The following MAP4 variants were observed in gnomAD, a reference collection of about 807,000 sequenced individuals.
MAP4 encodes microtubule associated protein 4.
A neutral mutation model predicts 170.2 loss-of-function variants in MAP4; 76 were observed. That is an observed-to-expected ratio of 0.45 (90% CI 0.37 to 0.54). The LOEUF is 0.54. Ranked by LOEUF, MAP4 falls within the 20% of genes least tolerant of loss-of-function variation. The pLI, the probability that MAP4 is intolerant of heterozygous loss-of-function variation, is 0.00. For synonymous variants in MAP4, 909 were observed against 994.5 expected (o/e 0.91, Z 1.62); for missense variants, 2,506 against 2,748.0 (o/e 0.91, Z 1.97).
chr3:47,871,185 G>T, intron 14 of MAP4, 42 bp downstream of exon 14: 1 of 1,612,888 alleles, frequency 6.2e-7, no homozygotes, highest in Non-Finnish European at 8.5e-7. Context: ...AGGAGGTGGG[G>T]GTTCAAGTTA....
At chr3:47,905,887 G>C (rs1222948310) in intron 9 of MAP4, among the ~76,000 whole-genome samples, 3 of 152,068 alleles carry the variant, frequency 2.0e-5, no homozygotes, top group Non-Finnish European at 4.4e-5. Flanking sequence ...CTAGCTACTA[G>C]GGAGGCTGAG....
chr3:48,013,831 A>G (rs1422483668), intron 1 of MAP4, among the ~76,000 whole-genome samples: 1 of 152,080 alleles, frequency 6.6e-6, no homozygotes, highest in Non-Finnish European at 1.5e-5. Context: ...TCTGGCTAAC[A>G]TCAAAGGAGA....
chr3:47,913,945 C>A (rs907286485), intron 8 of MAP4, among the ~76,000 whole-genome samples: 1 of 152,132 alleles, frequency 6.6e-6, no homozygotes, highest in African/African-American at 2.4e-5. Context: ...TGGAAAGTAT[C>A]TTAGAGCAGT....
At chr3:47,877,678 A>C (rs574200069) in intron 10 of MAP4, 155 bp from the exon 11 acceptor site, 57 of 542,952 alleles carry the variant, frequency 1.0e-4, no homozygotes, top group Non-Finnish European at 1.5e-4. Flanking sequence ...AAGCCTCCCA[A>C]GTTCTCATTG....
chr3:47,898,767 G>C (rs191199719), intron 10 of MAP4, among the ~76,000 whole-genome samples: 2 of 152,158 alleles, frequency 1.3e-5, no homozygotes, highest in East Asian at 3.9e-4. Context: ...AACATAGCAG[G>C]ACCCACATCT....
intron 16 of MAP4, among the ~76,000 whole-genome samples, chr3:47,868,651 C>T (rs1403784980): frequency 3.9e-5 from 6 of 152,172 alleles, no homozygotes; most frequent in Non-Finnish European, 8.8e-5. Context: ...TTCAGCTTAC[C>T]TCTGCCCTCC....
upstream of MAP4, among the ~76,000 whole-genome samples, chr3:48,018,576 T>A (rs534848660): frequency 1.1e-4 from 17 of 151,820 alleles, no homozygotes; most frequent in Non-Finnish European, 2.5e-4. Flanking sequence ...GAGGCTGAGG[T>A]GGGTGGATTA....
intron 3 of MAP4, among the ~76,000 whole-genome samples, chr3:47,953,935 A>C (rs2100066151): frequency 6.6e-6 from 1 of 151,352 alleles, no homozygotes; most frequent in African/African-American, 2.4e-5. Context: ...AATTGCTTGA[A>C]CCCAGGAGGC....
chr3:48,060,314 A>T (rs1297238751), intron 1 of MAP4, among the ~76,000 whole-genome samples: 1 of 152,168 alleles, frequency 6.6e-6, no homozygotes, highest in Non-Finnish European at 1.5e-5. Flanking sequence ...AGAACCCACC[A>T]AAACTGTGGA....
At position 47,917,085 on chromosome 3, in the gene MAP4, T is replaced by C. The variant is rs762259139; in HGVS notation, c.742A>G (p.Thr248Ala). The C allele has an allele frequency of 6.2e-7, 1 of 1,614,196 alleles. No homozygotes were observed. The change falls in exon 7 of 21, where the codon ACT becomes GCT. Residue 248 changes from threonine to alanine, a missense_variant. Thr to Ala is a moderately conservative substitution (Grantham distance 58). Coordinates refer to ENST00000683076, the MANE Select transcript of MAP4 (RefSeq NM_001385682.1). ...GTTTCTTTAGATGGTGCCATGTCAG[T>C]AGTCTTCAGTCCCATCATTATTTCC... The part of the protein sequence containing the change: ...ALEIMMGLKT[T>A]DMAPSKETEM...
rs534635902 is a variant in MAP4, at chr3:47,987,292, T to C, written c.224-9359A>G. On this transcript the variant is annotated intron_variant, in intron 2 of 20. Coordinates refer to ENST00000683076, the MANE Select transcript of MAP4 (RefSeq NM_001385682.1). ...AAAATATTATTCCTGTGCTAGAGCA[T>C]GTTAATAAGTGTAAGATAACAAATA... 1.6e-4 allele frequency: 142 copies of C among 892,952 alleles called. 2 individuals carry two copies. In the South Asian group the frequency reaches 2.5e-3, roughly 16 times the overall value. The allele number at this position is 892,952 out of a possible 1,614,324, so 55.3% of individuals were successfully genotyped here.
intron 1 of MAP4, among the ~76,000 whole-genome samples, chr3:48,034,940 G>C (rs1361347486): frequency 1.3e-5 from 2 of 152,104 alleles, no homozygotes; most frequent in Admixed American, 6.6e-5. Flanking sequence ...TTGAGACCAG[G>C]AGGTTGAGTC....
intron 10 of MAP4, among the ~76,000 whole-genome samples, chr3:47,894,600 G>GA (rs56010532): frequency 0.29 from 44,138 of 151,602 alleles, 8,165 homozygotes; most frequent in Non-Finnish European, 0.38. Flanking sequence ...AAAAAAAAAA[G>GA]AAAAAATATG....
chr3:47,997,577 T>G (rs2100096664), intron 2 of MAP4, among the ~76,000 whole-genome samples: 1 of 150,894 alleles, frequency 6.6e-6, no homozygotes, highest in Non-Finnish European at 1.5e-5. Flanking sequence ...TAAATCAACT[T>G]AAGTAAACAG....
intron 1 of MAP4, among the ~76,000 whole-genome samples, chr3:48,001,527 G>T (rs948510827): frequency 2.6e-5 from 4 of 152,106 alleles, no homozygotes; most frequent in Admixed American, 6.6e-5. Context: ...TAGTAGAAAA[G>T]AGCTGTTTCT....
At chr3:48,077,113 C>T (rs180710594) in intron 1 of MAP4, among the ~76,000 whole-genome samples, 2 of 152,122 alleles carry the variant, frequency 1.3e-5, no homozygotes, top group East Asian at 3.9e-4. Context: ...CATCACTGCA[C>T]TCTAGCCTGA....
intron 1 of MAP4, among the ~76,000 whole-genome samples, chr3:48,014,215 A>AT (rs1036626755): frequency 6.6e-6 from 1 of 152,236 alleles, no homozygotes; most frequent in Non-Finnish European, 1.5e-5. Context: ...AACAGTGTTA[A>AT]TATCTAACTT....
intron 10 of MAP4, among the ~76,000 whole-genome samples, chr3:47,895,148 A>AC (rs968703780): frequency 1.3e-5 from 2 of 152,066 alleles, no homozygotes; most frequent in Non-Finnish European, 2.9e-5. Context: ...TAAACTAGTC[A>AC]CCCCCCACAA....
intron 18 of MAP4, among the ~76,000 whole-genome samples, chr3:47,856,033 A>C (rs1413627852): frequency 6.6e-6 from 1 of 152,150 alleles, no homozygotes; most frequent in Non-Finnish European, 1.5e-5. Context: ...TAGGACGGGG[A>C]GGGAAAGTGG....
Sources: gnomAD v4.1 joint callset for allele counts (sites outside exome capture counted in the v4.1 genomes callset) on GRCh38, gnomAD v4.1.1 for gene constraint, MANE v1.5 for transcripts, NCBI Gene and HGNC (gene_info 2026-07-23, HGNC 2026-07-21) for gene names.